AIG1: variants seen among roughly 807,000 people sequenced by gnomAD.
AIG1 encodes androgen induced 1.
Under a neutral mutation model 31.4 loss-of-function variants are expected in AIG1, and 23 were observed. The ratio of observed to expected loss-of-function variants is 0.73; its 90% CI spans 0.53 to 1.04. AIG1 has a LOEUF of 1.04. Among genes scored for constraint, AIG1 ranks in the 50% least tolerant of loss-of-function variants. AIG1 has a pLI of 0.00. For missense variants in AIG1, 274 were observed against 295.0 expected (o/e 0.93, Z 0.52); for synonymous variants, 100 against 110.5 (o/e 0.90, Z 0.60).
chr6:143,069,209 G>T (rs910505253), intron 1 of AIG1, among the ~76,000 whole-genome samples: 1 of 152,070 alleles, frequency 6.6e-6, no homozygotes, highest in East Asian at 1.9e-4. Context: ...TAGAGACGGG[G>T]TTTCGCCATG....
At chr6:143,222,958 G>T (rs748112564) in intron 3 of AIG1, among the ~76,000 whole-genome samples, 8 of 152,158 alleles carry the variant, frequency 5.3e-5, no homozygotes, top group Non-Finnish European at 8.8e-5. Flanking sequence ...GTACAGAAAA[G>T]GGTAACATTT....
rs1798221309 is a variant in AIG1 at position 143,293,760 on chromosome 6, G to A, written c.515+9535G>A. Among the ~76,000 whole-genome samples, 1 of 152,100 alleles carries A rather than the reference G, an allele frequency of 6.6e-6. No individual in the cohort carries two copies. The highest frequency in any genetic ancestry group is 2.4e-5 in the African/African-American group (1 of 41,416). ...CCCACCCTGAAGTCATGTTTTATGT[G>A]GTTATGATCCTTCCCCCACTCCCCA... On this transcript the variant is annotated intron_variant, in intron 4 of 5. Coordinates refer to ENST00000357847, the MANE Select transcript of AIG1 (RefSeq NM_016108.4). This position sits in a 1 kb window ranked among gnomAD's most constrained non-coding sequence, Gnocchi z 4.8.
intron 4 of AIG1, among the ~76,000 whole-genome samples, chr6:143,285,633 C>T (rs1797635806): frequency 6.6e-6 from 1 of 151,902 alleles, no homozygotes; most frequent in African/African-American, 2.4e-5. Context: ...AACTGCACTC[C>T]ACCCTGTCTC....
rs1309893712 is a variant in AIG1, at chr6:143,333,485, T to C, written c.679+40T>C. The C allele has an allele frequency of 6.2e-7, 1 of 1,602,904 alleles. No homozygotes were observed. Among genetic ancestry groups the C allele is most frequent in the East Asian group, 2.2e-5 (1 of 44,692 alleles). On this transcript the variant is annotated intron_variant, in intron 5 of 5. Coordinates refer to ENST00000357847, the MANE Select transcript of AIG1 (RefSeq NM_016108.4). This position sits in a 1 kb window ranked among gnomAD's most constrained non-coding sequence, Gnocchi z 4.6. ...AGGGAACATAAAACAAGAGAATTACTGCCGGCAACAGTCTATGCAGAGACT... is the reference window on the plus strand; with the variant it reads ...AGGGAACATAAAACAAGAGAATTACCGCCGGCAACAGTCTATGCAGAGACT...
intron 3 of AIG1, among the ~76,000 whole-genome samples, chr6:143,237,317 G>C (rs192478862): frequency 1.2e-3 from 177 of 152,220 alleles, no homozygotes; most frequent in Non-Finnish European, 1.9e-3. Context: ...ATGTAGTTGA[G>C]GCTACAATTT....
At chr6:143,120,315 G>A (rs1369046045) in intron 1 of AIG1, among the ~76,000 whole-genome samples, 1 of 152,148 alleles carries the variant, frequency 6.6e-6, no homozygotes, top group Non-Finnish European at 1.5e-5. Context: ...CTGTAAGTTG[G>A]CAGAATTTGA....
At chr6:143,182,571 C>CTTA (rs1428580368) in intron 3 of AIG1, among the ~76,000 whole-genome samples, 9 of 152,154 alleles carry the variant, frequency 5.9e-5, no homozygotes, top group African/African-American at 2.2e-4. Flanking sequence ...TGCAGCTAAC[C>CTTA]CCATACTCCC....
At chr6:143,136,764 A>T (rs1267100939) in intron 1 of AIG1, 71 bp from the exon 2 acceptor site, 1 of 1,250,034 alleles carries the variant, frequency 8.0e-7, no homozygotes, top group Non-Finnish European at 1.0e-6. Flanking sequence ...GTACACCAGC[A>T]GCTCATTTGC....
At chr6:143,307,976 G>T (rs1343027880) in intron 4 of AIG1, among the ~76,000 whole-genome samples, 1 of 152,210 alleles carries the variant, frequency 6.6e-6, no homozygotes, top group African/African-American at 2.4e-5. Flanking sequence ...TGCTAGCAAT[G>T]AGTGAGAATC....
In AIG1 at chr6:143,315,017, G is replaced by A. The variant is rs1408481317; in HGVS notation, c.516-18265G>A. ...GAGAATGATGTTAATATCACATGTA[G>A]GAATGCTACATTTTCTAGAATTTTA... On this transcript the variant is annotated intron_variant, in intron 4 of 5. Coordinates refer to ENST00000357847, the MANE Select transcript of AIG1 (RefSeq NM_016108.4). Among the ~76,000 whole-genome samples the A allele has an allele frequency of 2.6e-5, 4 of 152,102 alleles. No homozygotes were observed. In the South Asian group the frequency reaches 6.2e-4, roughly 24 times the overall value.
At chr6:143,210,620 C>G (rs1341629884) in intron 3 of AIG1, among the ~76,000 whole-genome samples, 1 of 152,158 alleles carries the variant, frequency 6.6e-6, no homozygotes, top group South Asian at 2.1e-4. Context: ...AGAAAGGCTG[C>G]TTGTATACAG....
At chr6:143,065,331 C>T (rs1355311083) in intron 1 of AIG1, among the ~76,000 whole-genome samples, 1 of 152,166 alleles carries the variant, frequency 6.6e-6, no homozygotes, top group Non-Finnish European at 1.5e-5. Context: ...CAGAGACTAT[C>T]ATTAAGTAAC....
chr6:143,261,772 T>C (rs999439649), intron 3 of AIG1, among the ~76,000 whole-genome samples: 1 of 152,212 alleles, frequency 6.6e-6, no homozygotes, highest in Non-Finnish European at 1.5e-5. Context: ...AGAGTTACCA[T>C]TGCTTCACAA....
intron 1 of AIG1, among the ~76,000 whole-genome samples, chr6:143,119,182 A>G (rs1782025874): frequency 6.6e-6 from 1 of 152,190 alleles, no homozygotes; most frequent in Non-Finnish European, 1.5e-5. Flanking sequence ...TCACCTGCTG[A>G]CAAATTTCTC....
At chr6:143,277,664 G>A (rs1797039363) in intron 3 of AIG1, among the ~76,000 whole-genome samples, 1 of 152,212 alleles carries the variant, frequency 6.6e-6, no homozygotes, top group Admixed American at 6.5e-5. Context: ...GGTGCCAGTA[G>A]CGGACAGGGG....
chr6:143,228,633 T>G (rs1235426117), intron 3 of AIG1, among the ~76,000 whole-genome samples: 3 of 152,182 alleles, frequency 2.0e-5, no homozygotes, highest in African/African-American at 7.2e-5. Flanking sequence ...CCACATTTAC[T>G]TGGACAAACG....
intron 1 of AIG1, among the ~76,000 whole-genome samples, chr6:143,066,247 G>A (rs1042039208): frequency 1.3e-5 from 2 of 152,178 alleles, no homozygotes; most frequent in African/African-American, 4.8e-5. Flanking sequence ...GGACCCTGTA[G>A]AGCAGTCTTA....
chr6:143,318,543 C>CA (rs749522732), intron 4 of AIG1, among the ~76,000 whole-genome samples: 10 of 151,584 alleles, frequency 6.6e-5, no homozygotes, highest in Non-Finnish European at 1.0e-4. Context: ...AAGATAACAT[C>CA]AAAAAAATCC....
chr6:143,090,972 A>G (rs1401219661), intron 1 of AIG1, among the ~76,000 whole-genome samples: 1 of 152,100 alleles, frequency 6.6e-6, no homozygotes, highest in East Asian at 1.9e-4. Context: ...CTGCTGCTTT[A>G]TCAACTAAGT....
Sources: allele counts gnomAD v4.1 joint callset (sites outside exome capture counted in the v4.1 genomes callset), GRCh38; gene constraint gnomAD v4.1.1; non-coding constraint Gnocchi (gnomAD v3.1); transcripts MANE v1.5; gene names NCBI Gene and HGNC (gene_info 2026-07-23, HGNC 2026-07-21).